Variants in KIF6 observed in about 807,000 individuals in gnomAD.
The protein encoded by KIF6 is kinesin-like protein KIF6.
Under a neutral mutation model 112.7 loss-of-function variants are expected in KIF6, and 106 were observed. The ratio of observed to expected loss-of-function variants is 0.94; its 90% CI spans 0.80 to 1.11. The LOEUF is 1.11. Among genes scored for constraint, KIF6 ranks in the 50% least tolerant of loss-of-function variants. The pLI, the probability that KIF6 is intolerant of heterozygous loss-of-function variation, is 0.00. For synonymous variants in KIF6, 339 were observed against 339.9 expected, an observed-to-expected ratio of 1.00 and a Z score of 0.03; for missense variants, 929 against 964.0, an observed-to-expected ratio of 0.96 and a Z score of 0.48.
intron 13 of KIF6, among the ~76,000 whole-genome samples, chr6:39,486,071 AT>A (rs770832971): frequency 1.4e-4 from 22 of 152,318 alleles, no homozygotes; most frequent in Non-Finnish European, 2.6e-4. Flanking sequence ...CAGATGAAAG[AT>A]GGCTGTGAAC....
intron 13 of KIF6, among the ~76,000 whole-genome samples, chr6:39,502,249 T>C (rs1776175640): frequency 1.3e-5 from 2 of 152,076 alleles, no homozygotes; most frequent in South Asian, 4.2e-4. Context: ...GCTTCATAAG[T>C]GAAGGAGAAA....
At chr6:39,719,902 G>C (rs950364142) in intron 2 of KIF6, among the ~76,000 whole-genome samples, 1 of 152,064 alleles carries the variant, frequency 6.6e-6, no homozygotes, top group African/African-American at 2.4e-5. Flanking sequence ...AGGATCACTG[G>C]AGCCCAGCAG....
chr6:39,399,390 A>G (rs1768517651), intron 15 of KIF6, among the ~76,000 whole-genome samples: 1 of 152,096 alleles, frequency 6.6e-6, no homozygotes, highest in Non-Finnish European at 1.5e-5. Context: ...AGGGAAAGAC[A>G]CTTTTGTACT....
Position 39,495,293 on chromosome 6 carries a change from C to T in KIF6, c.1645+44710G>A, listed in dbSNP as rs1031316243. On this transcript the variant is annotated intron_variant, in intron 13 of 22. Coordinates refer to ENST00000287152, the MANE Select transcript of KIF6 (RefSeq NM_145027.6). ...GGCAGACACATGATGTTGGGTTTAG[C>T]GATTTGCAGCAGCGAGAGTGCAGCA... is the stretch of plus-strand genomic sequence containing the variant. Among the ~76,000 whole-genome samples, 12 of 152,148 alleles carry T rather than the reference C, an allele frequency of 7.9e-5. No individual in the cohort carries two copies. In the South Asian group the frequency reaches 1.0e-3, roughly 13 times the overall value.
At chr6:39,345,906 T>C (rs1057394862) in intron 20 of KIF6, 117 bp from the exon 21 acceptor site, 8 of 699,036 alleles carry the variant, frequency 1.1e-5, no homozygotes, top group Non-Finnish European at 2.0e-5. Flanking sequence ...AATCCCTATG[T>C]GGACACCCTA....
intron 6 of KIF6, among the ~76,000 whole-genome samples, chr6:39,601,397 A>G (rs1253320199): frequency 6.6e-6 from 1 of 152,094 alleles, no homozygotes; most frequent in Non-Finnish European, 1.5e-5. Flanking sequence ...GTTAAAAGGC[A>G]TATTTGATTA....
chr6:39,426,249 C>G (rs1770756802), intron 14 of KIF6, among the ~76,000 whole-genome samples: 1 of 152,182 alleles, frequency 6.6e-6, no homozygotes. Flanking sequence ...CAATTGTTCT[C>G]TGCTGAAAAA....
intron 15 of KIF6, 91 bp from the exon 16 acceptor site, chr6:39,385,763 A>G: frequency 8.5e-6 from 7 of 821,192 alleles, no homozygotes; most frequent in African/African-American, 3.4e-5. Flanking sequence ...ACAGAAAAAA[A>G]AAAAAAAAGG....
intron 13 of KIF6, among the ~76,000 whole-genome samples, chr6:39,442,691 C>T (rs1389402240): frequency 1.3e-5 from 2 of 152,198 alleles, no homozygotes; most frequent in Non-Finnish European, 1.5e-5. Flanking sequence ...GCCTGGATGT[C>T]TAATTCCAGG....
At chr6:39,578,009 C>CA (rs1561829677) in intron 10 of KIF6, 47 bp downstream of exon 10, 1 of 1,301,298 alleles carries the variant, frequency 7.7e-7, no homozygotes, top group Non-Finnish European at 1.1e-6. Context: ...GAAGTTAACA[C>CA]AAACTTTCAC....
chr6:39,634,377 T>C (rs964591489), intron 5 of KIF6, among the ~76,000 whole-genome samples: 6 of 152,166 alleles, frequency 3.9e-5, no homozygotes, highest in Non-Finnish European at 8.8e-5. Context: ...ATCAAATGAT[T>C]GCCAAAGTTA....
chr6:39,542,107 C>T (rs1479554809), intron 12 of KIF6, among the ~76,000 whole-genome samples: 1 of 152,114 alleles, frequency 6.6e-6, no homozygotes, highest in Non-Finnish European at 1.5e-5. Flanking sequence ...ATCATCCAGG[C>T]CCTCGTAAAC....
chr6:39,347,618 C>A (rs1280984701), intron 19 of KIF6, among the ~76,000 whole-genome samples: 1 of 152,246 alleles, frequency 6.6e-6, no homozygotes, highest in Non-Finnish European at 1.5e-5. Context: ...CCTAAGAAGT[C>A]ACCTGGGTAC....
chr6:39,575,260 C>T (rs978315371), intron 10 of KIF6, among the ~76,000 whole-genome samples: 7 of 150,694 alleles, frequency 4.6e-5, no homozygotes, highest in South Asian at 2.1e-4. Context: ...AGTGCTTGAG[C>T]GTCTTCTTAT....
At chr6:39,452,131 G>C (rs1025102284) in intron 13 of KIF6, among the ~76,000 whole-genome samples, 2 of 152,184 alleles carry the variant, frequency 1.3e-5, no homozygotes, top group African/African-American at 4.8e-5. Flanking sequence ...ATCCTGTCTT[G>C]TCTTTAATCC....
intron 6 of KIF6, among the ~76,000 whole-genome samples, chr6:39,599,507 G>T (rs978278971): frequency 3.3e-5 from 5 of 152,292 alleles, no homozygotes; most frequent in Non-Finnish European, 7.4e-5. Context: ...CTGAAAATTT[G>T]ACCCATTACT....
At chr6:39,686,934 C>T (rs926671322) in intron 3 of KIF6, among the ~76,000 whole-genome samples, 25 of 152,102 alleles carry the variant, frequency 1.6e-4, no homozygotes, top group African/African-American at 6.0e-4. Context: ...AAATAAAGAA[C>T]AGGGCTGGTT....
At chr6:39,489,743 C>T (rs1775351881) in intron 13 of KIF6, among the ~76,000 whole-genome samples, 2 of 152,098 alleles carry the variant, frequency 1.3e-5, no homozygotes, top group South Asian at 2.1e-4. Context: ...GTAAAACAAA[C>T]CTTATGAAAC....
At chr6:39,680,533 G>A (rs754309499) in intron 3 of KIF6, among the ~76,000 whole-genome samples, 1 of 152,154 alleles carries the variant, frequency 6.6e-6, no homozygotes, top group Non-Finnish European at 1.5e-5. Context: ...GAAGGGAAAT[G>A]GGTCAGCTAC....
Sources: gnomAD v4.1 joint callset for allele counts (sites outside exome capture counted in the v4.1 genomes callset) on GRCh38, gnomAD v4.1.1 for gene constraint, MANE v1.5 for transcripts, NCBI Gene and HGNC (gene_info 2026-07-23, HGNC 2026-07-21) for gene names.